Variants in HMCN2 observed in about 807,000 individuals in gnomAD.
The protein encoded by HMCN2 is hemicentin 2.
Under a neutral mutation model 377.5 loss-of-function variants are expected in HMCN2, and 325 were observed. The observed-to-expected ratio is 0.86, with a 90% confidence interval of 0.79 to 0.94. The LOEUF (loss-of-function observed/expected upper bound fraction) is 0.94. Among genes scored for constraint, HMCN2 ranks in the 40% least tolerant of loss-of-function variants. The probability of loss-of-function intolerance (pLI) is 0.00; values close to 1 mark genes in which losing one functional copy is unlikely to be tolerated. For missense variants in HMCN2, 4,543 were observed against 4,725.3 expected (o/e 0.96, Z 1.13); for synonymous variants, 2,007 against 2,046.8 (o/e 0.98, Z 0.53).
chr9:130,384,168 G>T (rs1841889166), intron 57 of HMCN2, among the ~76,000 whole-genome samples: 1 of 152,224 alleles, frequency 6.6e-6, no homozygotes, highest in Non-Finnish European at 1.5e-5. Flanking sequence ...TGTGGCCTTG[G>T]AACAGTGACT....
intron 1 of HMCN2, among the ~76,000 whole-genome samples, chr9:130,274,466 G>A (rs140651616): frequency 1.1e-4 from 16 of 152,260 alleles, no homozygotes; most frequent in African/African-American, 3.9e-4. Context: ...TTTGCTTAGA[G>A]GTTTTGCCTT....
At position 130,362,867 on chromosome 9, in the gene HMCN2, G is replaced by T; in HGVS notation, c.6109G>T (p.Val2037Phe). The T allele has an allele frequency of 2.0e-6, 2 of 985,928 alleles. No homozygotes were observed. Among genetic ancestry groups the T allele is most frequent in the Non-Finnish European group, 2.4e-6 (2 of 829,974 alleles). The allele number at this position is 985,928 out of a possible 1,614,324, so 61.1% of individuals were successfully genotyped here. The change falls in exon 40 of 98, where the codon GTC becomes TTC. Residue 2037 changes from valine (V) to phenylalanine (F), a missense_variant and splice_region_variant. Around this residue, in one of 5 missense-constraint regions of HMCN2, gnomAD observed 1,032 missense variants for 1,285.1 expected, o/e 0.80. Coordinates refer to ENST00000683500, the MANE Select transcript of HMCN2 (RefSeq NM_001291815.2). Reference protein sequence around the residue: ...VSPAGTPGLQVFPGGRVLTLA... With the variant: ...VSPAGTPGLQFFPGGRVLTLA... ...TTTGGGCTTCCCCCTGGGGTCACAG[G>T]TCTTCCCTGGGGGCCGGGTCCTCAC...
Position 130,351,600 on chromosome 9 carries a change from A to AC in HMCN2, c.4585+27dup. 2 of 1,287,782 alleles carry AC rather than the reference A, an allele frequency of 1.6e-6. No homozygotes were observed. Among genetic ancestry groups the AC allele is most frequent in the Non-Finnish European group, 2.0e-6 (2 of 978,558 alleles). The allele number at this position is 1,287,782 out of a possible 1,614,324, so 79.8% of individuals were successfully genotyped here. A position where few individuals can be genotyped will look rare whatever the true frequency, so the allele number is the denominator to read the frequency against. On this transcript the variant is annotated intron_variant, in intron 30 of 97. Coordinates refer to ENST00000683500, the MANE Select transcript of HMCN2 (RefSeq NM_001291815.2). This position sits in a 1 kb window ranked among gnomAD's most constrained non-coding sequence, Gnocchi z 5.4. ...ATGGTGAGCCCCCACGCCTTCTGGGACCCCGCCACAGGCTACTCAGGAAGC... is the reference window on the plus strand; with the variant it reads ...ATGGTGAGCCCCCACGCCTTCTGGGACCCCCGCCACAGGCTACTCAGGAAGC...
intron 1 of HMCN2, among the ~76,000 whole-genome samples, chr9:130,283,448 G>T (rs1336940078): frequency 1.9e-5 from 2 of 107,502 alleles, no homozygotes; most frequent in African/African-American, 7.4e-5. Context: ...ACGATCATTT[G>T]TTCTAGTGCT....
rs1454627362 is a variant in HMCN2, at chr9:130,391,027, A to C, written c.9574A>C (p.Ser3192Arg). Reference protein sequence around the residue: ...VVSRGGRLQLSRLQPAQAGTY... With the variant: ...VVSRGGRLQLRRLQPAQAGTY... ...CTCCCGGGGGGGCCGCCTCCAGCTG[A>C]GCCGCCTGCAACCGGCCCAGGCGGG... Residue 3192 changes from serine (S) to arginine (R), a missense_variant, in exon 63 of 98, where the codon AGC (serine) becomes CGC (arginine). Physicochemically the swap from Ser to Arg is moderately radical, Grantham distance 110 (BLOSUM62 -1). Around this residue, in one of 5 missense-constraint regions of HMCN2, gnomAD observed 736 missense variants for 773.2 expected, o/e 0.95. Coordinates refer to ENST00000683500, the MANE Select transcript of HMCN2 (RefSeq NM_001291815.2). 2 of 987,504 alleles carry C rather than the reference A, an allele frequency of 2.0e-6. No homozygotes were observed. The highest frequency in any genetic ancestry group is 2.4e-6 in the Non-Finnish European group (2 of 830,246). 61.2% of individuals were successfully genotyped at this position (987,504 alleles called of 1,614,324 possible).
chr9:130,356,618 C>T (rs1339189620), intron 34 of HMCN2, among the ~76,000 whole-genome samples: 1 of 152,264 alleles, frequency 6.6e-6, no homozygotes, highest in Non-Finnish European at 1.5e-5. Flanking sequence ...CTGCCTAGCT[C>T]CTTATCTTTC....
At position 130,302,882 on chromosome 9, in the gene HMCN2, C is replaced by A. The variant is rs1554934996; in HGVS notation, c.1302C>A (p.Pro434=). Residue 434 remains proline (P), a synonymous_variant, in exon 9 of 98, where the codon CCC becomes CCA. Transcript: ENST00000683500. ...APGAPLVSMA[P]RIHGYLHQPL... ...GCGCTCCCCTCGTCAGCATGGCCCCCAGGATCCATGGCTACCTGCACCAGC... is the reference window on the plus strand; with the variant it reads ...GCGCTCCCCTCGTCAGCATGGCCCCAAGGATCCATGGCTACCTGCACCAGC... 2.1e-6 allele frequency: 1 copy of A among 469,790 alleles called. No individual in the cohort carries two copies. Among genetic ancestry groups the A allele is most frequent in the Admixed American group, 2.4e-5 (1 of 42,522 alleles). The allele number at this position is 469,790 out of a possible 1,614,324, so 29.1% of individuals were successfully genotyped here.
chr9:130,429,096 A>T (rs1844572536), intron 93 of HMCN2: 1 of 189,022 alleles, frequency 5.3e-6, no homozygotes, highest in Admixed American at 5.5e-5. Context: ...GGGCCCTTGG[A>T]GTGCCCGACA....
At chr9:130,384,570 T>G in intron 58 of HMCN2, 36 bp downstream of exon 58, 1 of 1,303,904 alleles carries the variant, frequency 7.7e-7, no homozygotes, top group Non-Finnish European at 1.0e-6. Flanking sequence ...AGCTCTAAGG[T>G]TACATGGGGA....
At position 130,397,641 on chromosome 9, in the gene HMCN2, A is replaced by G; in HGVS notation, c.11312A>G (p.Asp3771Gly). ...GCTGGCTCCGATCGTCAAGGCCGTG[A>G]CCTACGGGTCTTGGGTAGGTGGCCT... is the stretch of plus-strand genomic sequence containing the variant. ...NSAGSDRQGR[D>G]LRVLEPPAIA... is the part of the protein sequence containing the mutation. The change falls in exon 74 of 98, where the codon GAC becomes GGC. Residue 3771 changes from aspartate (D) to glycine (G), a missense_variant. Asp to Gly is a moderately conservative substitution (Grantham distance 94, BLOSUM62 -1). Coordinates refer to ENST00000683500, the MANE Select transcript of HMCN2 (RefSeq NM_001291815.2). 7.8e-7 allele frequency: 1 copy of G among 1,289,758 alleles called. No homozygotes were observed. Among genetic ancestry groups the G allele is most frequent in the Non-Finnish European group, 1.0e-6 (1 of 988,872 alleles). 79.9% of individuals were successfully genotyped at this position (1,289,758 alleles called of 1,614,324 possible).
intron 1 of HMCN2, among the ~76,000 whole-genome samples, chr9:130,277,970 T>C (rs1239526258): frequency 1.0e-5 from 1 of 97,674 alleles, no homozygotes; most frequent in Non-Finnish European, 2.0e-5. Flanking sequence ...ACCACCACCA[T>C]CATCATCACC....
At chr9:130,368,737 GGAGA>G (rs982746180) in intron 44 of HMCN2, among the ~76,000 whole-genome samples, 2 of 151,450 alleles carry the variant, frequency 1.3e-5, no homozygotes, top group African/African-American at 2.4e-5. Context: ...CATGTCGGCA[GGAGA>G]GAGAGAGAGC....
In HMCN2 at chr9:130,360,517, GC is replaced by G. The variant is rs764327525; in HGVS notation, c.5866del (p.Gln1956SerfsTer51). ...VDGRVLRIEQ[A>X]QLSDAGSYRC... ...TGGGAGAGTTCTCCGCATTGAGCAA[GC>G]CCAGCTTTCTGATGCTGGGAGCTAC... is the stretch of plus-strand genomic sequence containing the variant. On this transcript the variant is annotated frameshift_variant, in exon 38 of 98. Transcript: ENST00000683500. LOFTEE classifies it high-confidence loss of function. The surrounding 1 kb of genome is among the most constrained non-coding windows in gnomAD (Gnocchi z 4.7). The G allele has an allele frequency of 8.4e-5, 110 of 1,304,170 alleles. No individual in the cohort carries two copies. The highest frequency in any genetic ancestry group is 2.3e-5 in the Admixed American group (1 of 43,550). 80.8% of individuals were successfully genotyped at this position (1,304,170 alleles called of 1,614,324 possible). A position where few individuals can be genotyped will look rare whatever the true frequency, so the allele number is the denominator to read the frequency against.
chr9:130,400,723 C>G (rs1842822769), intron 76 of HMCN2, 60 bp from the exon 77 acceptor site: 3 of 1,209,416 alleles, frequency 2.5e-6, no homozygotes, highest in Admixed American at 2.7e-5. Context: ...CCCCCTGGCC[C>G]TGTGGCCGTG....
rs782607605 is a variant in HMCN2 at position 130,296,731 on chromosome 9, C to G, written c.949C>G (p.Arg317Gly). The G allele has an allele frequency of 2.1e-6, 1 of 471,130 alleles. No individual in the cohort carries two copies. Among genetic ancestry groups the G allele is most frequent in the Non-Finnish European group, 4.4e-6 (1 of 227,060 alleles). The allele number at this position is 471,130 out of a possible 1,614,324, so 29.2% of individuals were successfully genotyped here. A position where few individuals can be genotyped will look rare whatever the true frequency, so the allele number is the denominator to read the frequency against. Residue 317 changes from arginine to glycine, a missense_variant, in exon 7 of 98, where the codon CGA becomes GGA. Arg to Gly is a moderately radical substitution (Grantham distance 125). This residue lies in a region of HMCN2 where 547 missense variants were observed against 189.9 expected (regional missense o/e 2.88). Transcript: ENST00000683500. ...RITGVSNIDF[R>G]AGFSTQPLLD... is the part of the protein sequence containing the mutation. Reference sequence around the variant, plus strand: ...CACAGGCGTCAGCAACATTGACTTCCGAGCCGGCTTCTCCACTCAGCCCTT... The same window carrying G: ...CACAGGCGTCAGCAACATTGACTTCGGAGCCGGCTTCTCCACTCAGCCCTT...
At chr9:130,427,999 T>A (rs978070783) in intron 92 of HMCN2, among the ~76,000 whole-genome samples, 8 of 152,130 alleles carry the variant, frequency 5.3e-5, no homozygotes, top group African/African-American at 1.7e-4. Flanking sequence ...GGATGACAAA[T>A]CTGACCTCAG....
chr9:130,310,674 C>T (rs940121409), intron 15 of HMCN2, among the ~76,000 whole-genome samples: 4 of 151,592 alleles, frequency 2.6e-5, no homozygotes, highest in East Asian at 3.9e-4. Context: ...GGTGTGAACA[C>T]GAGGAGGTGG....
At chr9:130,281,633 G>T (rs941795144) in intron 1 of HMCN2, among the ~76,000 whole-genome samples, 12 of 150,390 alleles carry the variant, frequency 8.0e-5, no homozygotes, top group African/African-American at 2.7e-4. Flanking sequence ...GCTCATGCCT[G>T]CTGTAATCGC....
Position 130,391,514 on chromosome 9 carries a change from A to C in HMCN2, c.9892A>C (p.Thr3298Pro), listed in dbSNP as rs1842322584. 2.0e-6 allele frequency: 2 copies of C among 987,600 alleles called. No homozygotes were observed. The highest frequency in any genetic ancestry group is 1.2e-4 in the Admixed American group (2 of 16,282). The allele number at this position is 987,600 out of a possible 1,614,324, so 61.2% of individuals were successfully genotyped here. A position where few individuals can be genotyped will look rare whatever the true frequency, so the allele number is the denominator to read the frequency against. ...GLRASDAGAY[T>P]CVAHNPAGED... is the part of the protein sequence containing the mutation. ...GAGGGCCTCGGACGCGGGTGCCTACACCTGCGTGGCCCACAACCCAGCCGG... is the reference window on the plus strand; with the variant it reads ...GAGGGCCTCGGACGCGGGTGCCTACCCCTGCGTGGCCCACAACCCAGCCGG... The change falls in exon 65 of 98, where the codon ACC becomes CCC. Residue 3298 changes from threonine to proline, a missense_variant. Around this residue, in one of 5 missense-constraint regions of HMCN2, gnomAD observed 1,073 missense variants for 1,319.5 expected, o/e 0.81. Coordinates refer to ENST00000683500, the MANE Select transcript of HMCN2 (RefSeq NM_001291815.2).
Sources: allele counts gnomAD v4.1 joint callset (sites outside exome capture counted in the v4.1 genomes callset), GRCh38; gene constraint gnomAD v4.1.1; regional missense constraint gnomAD v4.1.1; non-coding constraint Gnocchi (gnomAD v3.1); transcripts MANE v1.5; gene names NCBI Gene and HGNC (gene_info 2026-07-23, HGNC 2026-07-21).